Variants in PRKCG observed in about 807,000 individuals in gnomAD.
PRKCG encodes the protein protein kinase C gamma type.
Under a neutral mutation model 82.0 loss-of-function variants are expected in PRKCG, and 28 were observed. That is an observed-to-expected ratio of 0.34 (90% CI 0.25 to 0.47). The LOEUF (loss-of-function observed/expected upper bound fraction) is 0.47. PRKCG is among the 20% of genes least tolerant of loss of function. The probability of loss-of-function intolerance (pLI) is 1.00; values close to 1 mark genes in which losing one functional copy is unlikely to be tolerated. For missense variants in PRKCG, 640 were observed against 952.7 expected (o/e 0.67, Z 4.32); for synonymous variants, 383 against 376.6 (o/e 1.02, Z -0.20).
chr19:53,903,020 T>A, intron 14 of PRKCG, 53 bp from the exon 15 acceptor site: 1 of 1,403,290 alleles, frequency 7.1e-7, no homozygotes, highest in Non-Finnish European at 1.0e-6. Context: ...GCCAGAGGGG[T>A]CCTAGGCTTC....
At chr19:53,886,665 G>A (rs1049879079) in intron 3 of PRKCG, among the ~76,000 whole-genome samples, 3 of 152,068 alleles carry the variant, frequency 2.0e-5, no homozygotes, top group Admixed American at 1.3e-4. Flanking sequence ...TCCTGCCTCA[G>A]CCTCCCAAAA....
chr19:53,897,329 T>G (rs2068724851), intron 9 of PRKCG, among the ~76,000 whole-genome samples: 1 of 152,130 alleles, frequency 6.6e-6, no homozygotes, highest in South Asian at 2.1e-4. Flanking sequence ...TGACAGCAGC[T>G]TAGTCTTGGG....
At chr19:53,895,460 C>T (rs1159721008) in intron 9 of PRKCG, among the ~76,000 whole-genome samples, 1 of 146,910 alleles carries the variant, frequency 6.8e-6, no homozygotes, top group Non-Finnish European at 1.5e-5. Flanking sequence ...TGCACTCCAG[C>T]CTGGATGACA....
chr19:53,902,996 T>C (rs1161883000), intron 14 of PRKCG, 77 bp from the exon 15 acceptor site: 2 of 1,007,226 alleles, frequency 2.0e-6, no homozygotes, highest in East Asian at 5.0e-5. Flanking sequence ...TGGGTAGCGC[T>C]CCCAGGGGGT....
rs866468199 is a variant in PRKCG at position 53,884,073 on chromosome 19, G to T, written c.203-88G>T. On this transcript the variant is annotated intron_variant, in intron 2 of 17. Coordinates refer to ENST00000263431, the MANE Select transcript of PRKCG (RefSeq NM_002739.5). The surrounding 1 kb of genome is among the most constrained non-coding windows in gnomAD (Gnocchi z 4.6). ...CTGGTTTTCTCAGTGTCCGAGTTCCGCTCTCTCTTTCCAATTTTCTGTCTG... is the reference window on the plus strand; with the variant it reads ...CTGGTTTTCTCAGTGTCCGAGTTCCTCTCTCTCTTTCCAATTTTCTGTCTG... The T allele has an allele frequency of 1.5e-6, 2 of 1,299,298 alleles. No individual in the cohort carries two copies. Among genetic ancestry groups the T allele is most frequent in the South Asian group, 1.2e-5 (1 of 84,290 alleles). 80.5% of individuals were successfully genotyped at this position (1,299,298 alleles called of 1,614,324 possible).
In PRKCG at chr19:53,884,004, G is replaced by T. The variant is rs374733573; in HGVS notation, c.203-157G>T. The stretch of plus-strand genomic sequence containing the variant: ...TCTCCTGCTTCTCTCTCTGGCCTCC[G>T]ATTTTCTCTCTGTTGGACTCTCTGT... On this transcript the variant is annotated intron_variant, in intron 2 of 17. Transcript: ENST00000263431. This position sits in a 1 kb window ranked among gnomAD's most constrained non-coding sequence, Gnocchi z 4.6. Among the ~76,000 whole-genome samples the T allele has an allele frequency of 6.6e-6, 1 of 151,896 alleles. No individual in the cohort carries two copies. Among genetic ancestry groups the T allele is most frequent in the Non-Finnish European group, 1.5e-5 (1 of 68,004 alleles).
Position 53,884,391 on chromosome 19 carries a change from T to G in PRKCG, c.285+148T>G. 2.0e-5 allele frequency: 16 copies of G among 789,796 alleles called. No homozygotes were observed. Among genetic ancestry groups the G allele is most frequent in the East Asian group, 2.8e-5 (1 of 35,652 alleles). 48.9% of individuals were successfully genotyped at this position (789,796 alleles called of 1,614,324 possible). ...GGGGAGCTATCTGGCCCAGATTCCTTGCCCTTGGCCTGGAAAGGGGGAATG... is the reference window on the plus strand; with the variant it reads ...GGGGAGCTATCTGGCCCAGATTCCTGGCCCTTGGCCTGGAAAGGGGGAATG... On this transcript the variant is annotated intron_variant, in intron 3 of 17. Coordinates refer to ENST00000263431, the MANE Select transcript of PRKCG (RefSeq NM_002739.5). The surrounding 1 kb of genome is among the most constrained non-coding windows in gnomAD (Gnocchi z 4.6).
chr19:53,893,425 T>C lies in PRKCG; in HGVS notation c.939+34T>C, dbSNP rs776938194. On this transcript the variant is annotated intron_variant, in intron 9 of 17. Transcript: ENST00000263431. Reference sequence around the variant, plus strand: ...AACCAGGGCGTTGAATGGAGGCAGTTTTTGCCTACTTCTCTGATTTCTTAT... The same window carrying C: ...AACCAGGGCGTTGAATGGAGGCAGTCTTTGCCTACTTCTCTGATTTCTTAT... 1.0e-5 allele frequency: 16 copies of C among 1,595,064 alleles called. No individual in the cohort carries two copies. The South Asian group carries it at 1.8e-4, about 18-fold the overall frequency.
Position 53,906,187 on chromosome 19 carries a change from TTA to T in PRKCG, c.1765-128_1765-127del, listed in dbSNP as rs1458466515. The T allele has an allele frequency of 4.0e-6, 5 of 1,237,764 alleles. No individual in the cohort carries two copies. In the African/African-American group the frequency reaches 7.6e-5, roughly 19 times the overall value. 76.7% of individuals were successfully genotyped at this position (1,237,764 alleles called of 1,614,324 possible). The stretch of plus-strand genomic sequence containing the variant: ...ATTTGCCTGTTTCCCCTGGCTGTTC[TTA>T]TCTCTCCGGATCTCATGCCTGTGTC... On this transcript the variant is annotated intron_variant, in intron 16 of 17. Coordinates refer to ENST00000263431, the MANE Select transcript of PRKCG (RefSeq NM_002739.5).
In PRKCG at chr19:53,907,059, G is replaced by A. The variant is rs2068819616; in HGVS notation, c.*164G>A. Reference sequence around the variant, plus strand: ...TAGACGCCCCTCCCAAGCGTTCCTGGCCTTCTGAACTCCATACAGCCTCTA... The same window carrying A: ...TAGACGCCCCTCCCAAGCGTTCCTGACCTTCTGAACTCCATACAGCCTCTA... On this transcript the variant is annotated 3_prime_UTR_variant, in exon 18 of 18. Transcript: ENST00000263431. The A allele has an allele frequency of 2.0e-6, 3 of 1,484,002 alleles. No homozygotes were observed. Among genetic ancestry groups the A allele is most frequent in the Middle Eastern group, 2.0e-4 (1 of 5,102 alleles). 91.9% of individuals were successfully genotyped at this position (1,484,002 alleles called of 1,614,324 possible).
rs1205203902 is a variant in PRKCG, at chr19:53,893,299, C to G, written c.910-63C>G. 11 of 1,551,844 alleles carry G rather than the reference C, an allele frequency of 7.1e-6. No individual in the cohort carries two copies. In the African/African-American group the frequency reaches 1.4e-4, roughly 19 times the overall value. On this transcript the variant is annotated intron_variant, in intron 8 of 17. Transcript: ENST00000263431. ...CTTGAGGGTACTAGGGGCCACCAGCCCCTGTTCTAGGGCGATCCCCTGCAT... is the reference window on the plus strand; with the variant it reads ...CTTGAGGGTACTAGGGGCCACCAGCGCCTGTTCTAGGGCGATCCCCTGCAT...
chr19:53,906,112 CTTCTTCTTTTCT>C lies in PRKCG; in HGVS notation c.1765-203_1765-192del, dbSNP rs1568764107. On this transcript the variant is annotated intron_variant, in intron 16 of 17. Transcript: ENST00000263431. ...TCTTCTTCTTCTTCTTCTTCTTCTT[CTTCTTCTTTTCT>C]TCTCTCTCTCTCTCCTTTCTTTTCC... Among the ~76,000 whole-genome samples, 32 of 89,750 alleles carry C rather than the reference CTTCTTCTTTTCT, an allele frequency of 3.6e-4. 4 individuals are homozygous for C. Among genetic ancestry groups the C allele is most frequent in the Middle Eastern group, 5.7e-3 (1 of 174 alleles). 58.9% of individuals were successfully genotyped at this position (89,750 alleles called of 152,430 possible). A position where few individuals can be genotyped will look rare whatever the true frequency, so the allele number is the denominator to read the frequency against.
At chr19:53,893,210 G>T in intron 8 of PRKCG, 135 bp downstream of exon 8, 1 of 1,225,044 alleles carries the variant, frequency 8.2e-7, no homozygotes, top group Non-Finnish European at 1.2e-6. Flanking sequence ...TCCCTCCTCT[G>T]CTCTTCTAGG....
At position 53,900,545 on chromosome 19, in the gene PRKCG, T is replaced by C; in HGVS notation, c.1436+64T>C. On this transcript the variant is annotated intron_variant, in intron 13 of 17. Transcript: ENST00000263431. The surrounding 1 kb of genome is among the most constrained non-coding windows in gnomAD (Gnocchi z 4.2). Reference sequence around the variant, plus strand: ...CCCTGGAAGGGAAGGGATTTGAATATGTGGCTCTAGACTGCTGAACTCAAC... The same window carrying C: ...CCCTGGAAGGGAAGGGATTTGAATACGTGGCTCTAGACTGCTGAACTCAAC... The C allele has an allele frequency of 1.2e-6, 2 of 1,614,176 alleles. No homozygotes were observed. The highest frequency in any genetic ancestry group is 1.7e-6 in the Non-Finnish European group (2 of 1,180,020).
chr19:53,892,577 G>GC lies in PRKCG; in HGVS notation c.756dup (p.Asn253GlnfsTer42). ...GTGTGGGACTGGGACCGGACCTCCC[G>GC]CAACGACTTCATGGGGGCCATGTCC... On this transcript the variant is annotated frameshift_variant, in exon 7 of 18. Coordinates refer to ENST00000263431, the MANE Select transcript of PRKCG (RefSeq NM_002739.5). LOFTEE classifies it high-confidence loss of function. The surrounding 1 kb of genome is among the most constrained non-coding windows in gnomAD (Gnocchi z 5.9). The GC allele has an allele frequency of 6.2e-7, 1 of 1,613,562 alleles. No homozygotes were observed. The highest frequency in any genetic ancestry group is 2.2e-5 in the East Asian group (1 of 44,858).
intron 3 of PRKCG, among the ~76,000 whole-genome samples, chr19:53,887,060 G>A (rs75248783): frequency 0.21 from 32,150 of 151,836 alleles, 3,716 homozygotes; most frequent in South Asian, 0.32. Context: ...TCACTCGGGG[G>A]TTTTTTTGTT....
chr19:53,888,252 A>G (rs2068646694), intron 3 of PRKCG, among the ~76,000 whole-genome samples: 1 of 152,162 alleles, frequency 6.6e-6, no homozygotes, highest in Non-Finnish European at 1.5e-5. Flanking sequence ...ACCCAAATAT[A>G]TATTCAAACT....
rs1168197753 is a variant in PRKCG at position 53,904,762 on chromosome 19, C to T, written c.1764+20C>T. 6.3e-7 allele frequency: 1 copy of T among 1,587,514 alleles called. No homozygotes were observed. The highest frequency in any genetic ancestry group is 2.3e-5 in the East Asian group (1 of 44,422). ...AAGGGGGTGAGAGCCCCCTGACTCC[C>T]AGCTTCTCCAGGCTCACAACCACAC... is the stretch of plus-strand genomic sequence containing the variant. On this transcript the variant is annotated intron_variant, in intron 16 of 17. Transcript: ENST00000263431.
At chr19:53,906,486 T>C in intron 17 of PRKCG, 29 bp downstream of exon 17, 1 of 1,570,210 alleles carries the variant, frequency 6.4e-7, no homozygotes. Context: ...AACAAAAACC[T>C]GGTCCCTGAA....
Sources: allele counts gnomAD v4.1 joint callset (sites outside exome capture counted in the v4.1 genomes callset), GRCh38; gene constraint gnomAD v4.1.1; non-coding constraint Gnocchi (gnomAD v3.1); transcripts MANE v1.5; gene names NCBI Gene and HGNC (gene_info 2026-07-23, HGNC 2026-07-21).